C2CD3: variants seen among roughly 807,000 people sequenced by gnomAD.
The protein encoded by C2CD3 is C2 domain containing 3 centriole elongation regulator.
In C2CD3, 148 loss-of-function variants were observed where a neutral mutation model predicts 234.0. That is an observed-to-expected ratio of 0.63 (90% CI 0.55 to 0.72). The LOEUF (loss-of-function observed/expected upper bound fraction) is 0.72, where lower values mean the gene tolerates loss of function less well. C2CD3 is among the 30% of genes least tolerant of loss of function. The pLI, the probability that C2CD3 is intolerant of heterozygous loss-of-function variation, is 0.00. For missense variants in C2CD3, 2,577 were observed against 2,811.5 expected, an observed-to-expected ratio of 0.92 and a Z score of 1.89; for synonymous variants, 1,000 against 1,035.4, an observed-to-expected ratio of 0.97 and a Z score of 0.66.
intron 26 of C2CD3, among the ~76,000 whole-genome samples, chr11:74,053,916 G>T (rs143900830): frequency 1.3e-5 from 2 of 151,688 alleles, no homozygotes; most frequent in Non-Finnish European, 2.9e-5. Flanking sequence ...GATTGCTTGA[G>T]CCCAGGAGTT....
rs1856923600 is a variant in C2CD3 at position 74,168,115 on chromosome 11, C to T, written c.325+229G>A. ...ATTGTCTATAAAACAGAGAAAATAC[C>T]TATCTTTCAGGGTTATTGTAAGGAT... is the stretch of plus-strand genomic sequence containing the variant. On this transcript the variant is annotated intron_variant, in intron 2 of 32. Transcript: ENST00000334126. 1.9e-5 allele frequency: 9 copies of T among 464,716 alleles called. No individual in the cohort carries two copies. In the South Asian group the frequency reaches 2.6e-4, roughly 13 times the overall value. 28.8% of individuals were successfully genotyped at this position (464,716 alleles called of 1,614,324 possible).
At chr11:74,066,459 A>T (rs1361869956) in intron 24 of C2CD3, among the ~76,000 whole-genome samples, 1 of 152,020 alleles carries the variant, frequency 6.6e-6, no homozygotes, top group African/African-American at 2.4e-5. Flanking sequence ...AAAGAAAAAA[A>T]AACATTTAAC....
At chr11:74,014,519 GGCCCAGCGAGAGTTGC>G (rs374387615) in intron 32 of C2CD3, among the ~76,000 whole-genome samples, 11,885 of 152,052 alleles carry the variant, frequency 0.078, 1,455 homozygotes, top group African/African-American at 0.26. Flanking sequence ...GAGAAACTGA[GGCCCAGCGAGAGTTGC>G]GCCCAGCGAG....
chr11:74,024,751 C>T (rs979703746), intron 32 of C2CD3, among the ~76,000 whole-genome samples: 1 of 152,066 alleles, frequency 6.6e-6, no homozygotes, highest in Admixed American at 6.6e-5. Context: ...ATTTCTTAGG[C>T]CATCCAGTGC....
At chr11:74,066,274 A>ACATCACACACTGGGGCCTGTCGTG (rs1167157362) in intron 24 of C2CD3, among the ~76,000 whole-genome samples, 616 of 43,824 alleles carry the variant, frequency 0.014, 17 homozygotes, top group Middle Eastern at 0.02. Context: ...AGGAGGGGGG[A>ACATCACACACTGGGGCCTGTCGTG]GGGATAGTGT....
At chr11:74,125,302 G>A (rs1957372437) in intron 7 of C2CD3, among the ~76,000 whole-genome samples, 1 of 152,198 alleles carries the variant, frequency 6.6e-6, no homozygotes, top group African/African-American at 2.4e-5. Flanking sequence ...GTAGTAGCTA[G>A]GATTACAGGT....
rs768641926 is a variant in C2CD3 at position 74,054,643 on chromosome 11, G to C, written c.5119C>G (p.Gln1707Glu). The change falls in exon 26 of 33, where the codon CAA (glutamine) becomes GAA (glutamate). Residue 1707 changes from glutamine (Q) to glutamate (E), a missense_variant. By Grantham distance (29) the Gln-to-Glu change is conservative (BLOSUM62 2). Coordinates refer to ENST00000334126, the MANE Select transcript of C2CD3 (RefSeq NM_001286577.2). Reference protein sequence around the residue: ...RLSKELLLDPQQTLVFKVWHK... With the variant: ...RLSKELLLDPEQTLVFKVWHK... ...CAAACTTTGAAGACCAGGGTTTGTT[G>C]TGGGTCCAGAAGCAGCTCTTTTGAT... 6.2e-7 allele frequency: 1 copy of C among 1,611,898 alleles called. No individual in the cohort carries two copies. Among genetic ancestry groups the C allele is most frequent in the South Asian group, 1.1e-5 (1 of 90,792 alleles).
intron 29 of C2CD3, among the ~76,000 whole-genome samples, chr11:74,040,442 T>C (rs1332590578): frequency 2.6e-5 from 4 of 152,142 alleles, no homozygotes; most frequent in African/African-American, 7.2e-5. Context: ...CTTTGCATTA[T>C]GAATCAAAGA....
At chr11:74,127,741 G>A (rs990230756) in intron 7 of C2CD3, among the ~76,000 whole-genome samples, 4 of 152,148 alleles carry the variant, frequency 2.6e-5, no homozygotes, top group Admixed American at 1.3e-4. Flanking sequence ...GTGTACCAGG[G>A]TTTCAAATTC....
Position 74,074,612 on chromosome 11 carries a change from TGGAGAA to T in C2CD3, c.4604-18_4604-13del. The stretch of plus-strand genomic sequence containing the variant: ...CAGAGGATACACACCTAAAAGAAGA[TGGAGAA>T]GAATAAGGCTAGTCAAGCAGGAACC... On this transcript the variant is annotated splice_polypyrimidine_tract_variant and intron_variant, in intron 23 of 32. Coordinates refer to ENST00000334126, the MANE Select transcript of C2CD3 (RefSeq NM_001286577.2). 1 of 1,596,050 alleles carries T rather than the reference TGGAGAA, an allele frequency of 6.3e-7. No individual in the cohort carries two copies. The highest frequency in any genetic ancestry group is 8.5e-7 in the Non-Finnish European group (1 of 1,169,620).
chr11:74,096,162 A>G (rs1351618196), intron 16 of C2CD3, among the ~76,000 whole-genome samples: 1 of 152,220 alleles, frequency 6.6e-6, no homozygotes, highest in Non-Finnish European at 1.5e-5. Flanking sequence ...TAACATGCAG[A>G]GCTAGTAACA....
At chr11:74,073,397 TCCAA>T (rs1954886162) in intron 24 of C2CD3, among the ~76,000 whole-genome samples, 1 of 151,808 alleles carries the variant, frequency 6.6e-6, no homozygotes, top group South Asian at 2.1e-4. Context: ...GATCAGCCTG[TCCAA>T]CATGGTGAAA....
At chr11:74,155,524 G>T (rs1855952705) in intron 3 of C2CD3, among the ~76,000 whole-genome samples, 3 of 152,082 alleles carry the variant, frequency 2.0e-5, no homozygotes, top group Admixed American at 2.0e-4. Flanking sequence ...ACTTTAGAAT[G>T]GGATATATCC....
intron 32 of C2CD3, among the ~76,000 whole-genome samples, chr11:74,014,323 C>T (rs1271223608): frequency 6.6e-6 from 1 of 152,190 alleles, no homozygotes; most frequent in Non-Finnish European, 1.5e-5. Context: ...GAGCAGCCTC[C>T]ACAGGCAAAC....
Position 74,118,059 on chromosome 11 carries a change from T to A in C2CD3, c.1520+169A>T, listed in dbSNP as rs1285131426. Among the ~76,000 whole-genome samples the A allele has an allele frequency of 2.6e-5, 4 of 152,126 alleles. No individual in the cohort carries two copies. In the East Asian group the frequency reaches 7.7e-4, roughly 29 times the overall value. On this transcript the variant is annotated intron_variant, in intron 9 of 32. Transcript: ENST00000334126. The stretch of plus-strand genomic sequence containing the variant: ...TCCCCAAAACCTATGGAAAACAAAT[T>A]TAGCCATCTTTTCAGATTATTACAT...
At chr11:74,024,220 A>C (rs1952201487) in intron 32 of C2CD3, among the ~76,000 whole-genome samples, 1 of 152,250 alleles carries the variant, frequency 6.6e-6, no homozygotes, top group African/African-American at 2.4e-5. Context: ...TATAAGAAAC[A>C]ATGGAGGACA....
chr11:74,154,607 C>T (rs903031133), intron 3 of C2CD3, among the ~76,000 whole-genome samples: 108 of 152,270 alleles, frequency 7.1e-4, no homozygotes, highest in African/African-American at 2.5e-3. Context: ...GATACATTTT[C>T]CTATGAATAG....
intron 11 of C2CD3, 56 bp downstream of exon 11, chr11:74,113,723 CA>C: frequency 1.2e-6 from 1 of 837,998 alleles, no homozygotes; most frequent in South Asian, 1.4e-5. Context: ...ATTAGGAATT[CA>C]AAAATTCTTC....
intron 28 of C2CD3, among the ~76,000 whole-genome samples, chr11:74,047,562 C>T (rs1001998042): frequency 3.9e-5 from 6 of 152,182 alleles, no homozygotes; most frequent in African/African-American, 1.4e-4. Flanking sequence ...TAGAATGTTA[C>T]ATGATATTAG....
Sources: gnomAD v4.1 joint callset for allele counts (sites outside exome capture counted in the v4.1 genomes callset) on GRCh38, gnomAD v4.1.1 for gene constraint, MANE v1.5 for transcripts, NCBI Gene and HGNC (gene_info 2026-07-23, HGNC 2026-07-21) for gene names.